Variants in CELF2 observed in about 807,000 individuals in gnomAD.
CELF2 encodes CUG triplet repeat RNA-binding protein 2.
A neutral mutation model predicts 62.6 loss-of-function variants in CELF2; 8 were observed. That is an observed-to-expected ratio of 0.13 (90% CI 0.07 to 0.23). The LOEUF (loss-of-function observed/expected upper bound fraction) is 0.23. CELF2 is among the 10% of genes least tolerant of loss of function. The pLI, the probability that CELF2 is intolerant of heterozygous loss-of-function variation, is 1.00. For missense variants in CELF2, 333 were observed against 671.0 expected, an observed-to-expected ratio of 0.50 and a Z score of 5.56; for synonymous variants, 258 against 250.0, an observed-to-expected ratio of 1.03 and a Z score of -0.30.
rs929279693 is a variant in CELF2, at chr10:10,947,078, T to G, written c.89+27079T>G. On this transcript the variant is annotated intron_variant, in intron 2 of 13. Transcript: ENST00000636488. The surrounding 1 kb of genome is among the most constrained non-coding windows in gnomAD (Gnocchi z 4.1). ...CCATTGCATAGGCATCTTTAGAATGTGCAGTGCATGTCACAGGCAGGTCTG... is the reference window on the plus strand; with the variant it reads ...CCATTGCATAGGCATCTTTAGAATGGGCAGTGCATGTCACAGGCAGGTCTG... 2 of 152,266 alleles carry G rather than the reference T, an allele frequency of 1.3e-5. No homozygotes were observed. The highest frequency in any genetic ancestry group is 4.8e-5 in the African/African-American group (2 of 41,476). The allele number at this position is 152,266 out of a possible 1,614,324, so 9.4% of individuals were successfully genotyped here. A position where few individuals can be genotyped will look rare whatever the true frequency, so the allele number is the denominator to read the frequency against.
chr10:11,059,734 C>G (rs1282980983), intron 1 of CELF2, among the ~76,000 whole-genome samples: 2 of 152,150 alleles, frequency 1.3e-5, no homozygotes, highest in Non-Finnish European at 1.5e-5. Flanking sequence ...AGCGCAGCCT[C>G]AGGCACTGGA....
At chr10:10,898,003 A>G (rs987438556) in intron 1 of CELF2, among the ~76,000 whole-genome samples, 1 of 152,222 alleles carries the variant, frequency 6.6e-6, no homozygotes, top group Non-Finnish European at 1.5e-5. Flanking sequence ...TCGTGGGCTC[A>G]GAGGGTGGAT....
At chr10:11,116,284 T>A (rs1195682262) in intron 1 of CELF2, among the ~76,000 whole-genome samples, 1 of 152,218 alleles carries the variant, frequency 6.6e-6, no homozygotes, top group Non-Finnish European at 1.5e-5. Flanking sequence ...CAGTCTGTTA[T>A]TAGACTTAAT....
chr10:11,222,779 A>G (rs1389164609), intron 3 of CELF2, among the ~76,000 whole-genome samples: 1 of 152,214 alleles, frequency 6.6e-6, no homozygotes, highest in African/African-American at 2.4e-5. Flanking sequence ...CTACAGTTTT[A>G]TTTTCTAAAA....
chr10:10,810,204 G>A (rs2055708653), intron 1 of CELF2, among the ~76,000 whole-genome samples: 1 of 152,134 alleles, frequency 6.6e-6, no homozygotes, highest in African/African-American at 2.4e-5. Context: ...CATGAGTCAG[G>A]CATAAATACA....
the CELF2 span, among the ~76,000 whole-genome samples, chr10:10,606,391 C>T: frequency 1.4e-3 from 209 of 152,162 alleles, 1 homozygote; most frequent in African/African-American, 4.7e-3. Flanking sequence ...TACATAAATT[C>T]CTTGAGAATT....
the CELF2 span, among the ~76,000 whole-genome samples, chr10:10,477,226 T>C: frequency 1.3e-5 from 2 of 152,186 alleles, no homozygotes; most frequent in Non-Finnish European, 2.9e-5. Flanking sequence ...AAGTTTCAGC[T>C]ACATTTCTGC....
At chr10:10,566,403 T>A in the CELF2 span, among the ~76,000 whole-genome samples, 3 of 42,554 alleles carry the variant, frequency 7.0e-5, no homozygotes, top group African/African-American at 3.5e-4. Flanking sequence ...CACTTAGGGA[T>A]TTTTTTTTTT....
the CELF2 span, among the ~76,000 whole-genome samples, chr10:10,747,541 T>C: frequency 6.6e-6 from 1 of 151,942 alleles, no homozygotes; most frequent in East Asian, 1.9e-4. Flanking sequence ...AAAGAGCAGC[T>C]GAGGGAAAGC....
intron 1 of CELF2, among the ~76,000 whole-genome samples, chr10:10,857,663 A>ATATATAC (rs2059815168): frequency 7.2e-6 from 1 of 139,438 alleles, no homozygotes; most frequent in Admixed American, 7.2e-5. Flanking sequence ...ATATATATAT[A>ATATATAC]TATATATATA....
the CELF2 span, among the ~76,000 whole-genome samples, chr10:10,680,171 ATGTATG>A: frequency 6.6e-6 from 1 of 151,732 alleles, no homozygotes; most frequent in Non-Finnish European, 1.5e-5. Flanking sequence ...GTATGTATGT[ATGTATG>A]TGCGTATGTG....
the CELF2 span, among the ~76,000 whole-genome samples, chr10:10,685,003 C>T: frequency 1.3e-5 from 2 of 151,964 alleles, no homozygotes; most frequent in Admixed American, 6.6e-5. Context: ...AGACAGGAGG[C>T]TAAGTACAAA....
the CELF2 span, among the ~76,000 whole-genome samples, chr10:10,462,555 TCCTGTGAGCGAG>T: frequency 6.9e-6 from 1 of 145,838 alleles, no homozygotes. Context: ...AAGGCAACAT[TCCTGTGAGCGAG>T]TTGGTGCTGC....
the CELF2 span, among the ~76,000 whole-genome samples, chr10:10,779,404 G>A: frequency 6.6e-6 from 1 of 152,282 alleles, no homozygotes; most frequent in East Asian, 1.9e-4. Flanking sequence ...CGGATCAGAG[G>A]AGCAGCAAAT....
chr10:10,576,338 T>A, the CELF2 span, among the ~76,000 whole-genome samples: 6 of 152,322 alleles, frequency 3.9e-5, no homozygotes, highest in African/African-American at 9.6e-5. Context: ...TCCTTTTTTT[T>A]AAATAAGATG....
intron 1 of CELF2, among the ~76,000 whole-genome samples, chr10:11,093,496 C>G (rs982803474): frequency 2.6e-5 from 4 of 152,156 alleles, no homozygotes. Context: ...GTAAGATTAC[C>G]TAATCAAATC....
the CELF2 span, among the ~76,000 whole-genome samples, chr10:10,724,672 A>AG: frequency 7.0e-6 from 1 of 143,784 alleles, no homozygotes; most frequent in South Asian, 2.1e-4. Flanking sequence ...AAAAAAAAAG[A>AG]AAAAAGAAAA....
chr10:11,288,721 G>C (rs547519133), intron 9 of CELF2, among the ~76,000 whole-genome samples, 169 bp downstream of exon 9: 9 of 152,298 alleles, frequency 5.9e-5, no homozygotes, highest in Admixed American at 4.6e-4. Context: ...AATGGTCAAA[G>C]TTCGAATTTG....
intron 8 of CELF2, among the ~76,000 whole-genome samples, chr10:11,284,499 T>G (rs1324616071): frequency 5.6e-5 from 3 of 54,002 alleles, no homozygotes; most frequent in Admixed American, 4.5e-4. Flanking sequence ...GAGTGTGTGG[T>G]GGGGGATGAG....
Sources: allele counts gnomAD v4.1 joint callset (sites outside exome capture counted in the v4.1 genomes callset), GRCh38; gene constraint gnomAD v4.1.1; non-coding constraint Gnocchi (gnomAD v3.1); transcripts MANE v1.5; gene names NCBI Gene and HGNC (gene_info 2026-07-23, HGNC 2026-07-21).